The following AJUBA variants were observed in gnomAD, a reference collection of about 807,000 sequenced individuals.
The protein encoded by AJUBA is ajuba LIM protein.
AJUBA carries 20 observed loss-of-function variants against 53.3 expected under a neutral mutation model. That is an observed-to-expected ratio of 0.38 (90% CI 0.26 to 0.55). AJUBA has a LOEUF of 0.55. Ranked by LOEUF, AJUBA falls within the 20% of genes least tolerant of loss-of-function variation. The pLI is 0.80. For missense variants in AJUBA, 580 were observed against 730.5 expected (o/e 0.79, Z 2.38); for synonymous variants, 296 against 306.2 (o/e 0.97, Z 0.35).
chr14:22,976,809 C>A, intron 2 of AJUBA, 97 bp from the exon 3 acceptor site: 1 of 1,520,350 alleles, frequency 6.6e-7, no homozygotes, highest in South Asian at 1.3e-5. Flanking sequence ...ATATTTAAAC[C>A]TGGACTTTGT....
rs1323722549 is a variant in AJUBA, at chr14:22,972,728, G to A, written c.*715C>T. 1 of 152,480 alleles carries A rather than the reference G, an allele frequency of 6.6e-6. No individual in the cohort carries two copies. The highest frequency in any genetic ancestry group is 1.9e-4 in the East Asian group (1 of 5,184). 9.4% of individuals were successfully genotyped at this position (152,480 alleles called of 1,614,324 possible). On this transcript the variant is annotated 3_prime_UTR_variant, in exon 8 of 8. Transcript: ENST00000262713. Reference sequence around the variant, plus strand: ...GTTTCTACCTCTTCATCCAGATATAGGTGCGGGACCCCATATCTGACACCA... The same window carrying A: ...GTTTCTACCTCTTCATCCAGATATAAGTGCGGGACCCCATATCTGACACCA...
rs2139354452 is a variant in AJUBA at position 22,979,016 on chromosome 14, G to A, written c.1007-571C>T. The A allele has an allele frequency of 7.8e-7, 1 of 1,289,036 alleles. No homozygotes were observed. Among genetic ancestry groups the A allele is most frequent in the East Asian group, 5.5e-5 (1 of 18,034 alleles). 79.8% of individuals were successfully genotyped at this position (1,289,036 alleles called of 1,614,324 possible). On this transcript the variant is annotated intron_variant, in intron 1 of 7. Transcript: ENST00000262713. The surrounding 1 kb of genome is among the most constrained non-coding windows in gnomAD (Gnocchi z 4.0). Reference sequence around the variant, plus strand: ...GCTTGGCAGAGGGCTCCGTGCAGAGGGGACCATGTGAGCATGATTCCTGTG... The same window carrying A: ...GCTTGGCAGAGGGCTCCGTGCAGAGAGGACCATGTGAGCATGATTCCTGTG...
Position 22,981,524 on chromosome 14 carries a change from G to A in AJUBA, c.743C>T (p.Ala248Val), listed in dbSNP as rs759874092. ...CCCCCGTCTCTCCAAGGGCCCCGCC[G>A]CTCCCACTCCGGCCCCGGCTAGAGC... ...PGALAGAGVG[A>V]AGPLERRGAQ... Residue 248 changes from alanine to valine, a missense_variant, in exon 1 of 8, where the codon GCG becomes GTG. By Grantham distance (64) the Ala-to-Val change is moderately conservative (BLOSUM62 0). This residue lies in a region of AJUBA where 430 missense variants were observed against 471.5 expected (regional missense o/e 0.91). Transcript: ENST00000262713. The A allele has an allele frequency of 2.5e-6, 4 of 1,593,318 alleles. No individual in the cohort carries two copies. In the South Asian group the frequency reaches 3.4e-5, roughly 13 times the overall value.
chr14:22,982,234 C>A lies in AJUBA; in HGVS notation c.33G>T (p.Leu11=). 1 of 1,613,990 alleles carries A rather than the reference C, an allele frequency of 6.2e-7. No individual in the cohort carries two copies. Residue 11 remains leucine (L), a synonymous_variant, in exon 1 of 8, where the codon CTG becomes CTT. Coordinates refer to ENST00000262713, the MANE Select transcript of AJUBA (RefSeq NM_032876.6). ...CCTTTCTGCGGCCGAACTTCTCCAG[C>A]AGGCGACTGGCTTTCTCTCCTAACC... is the stretch of plus-strand genomic sequence containing the variant. MERLGEKASR[L]LEKFGRRKGE...
chr14:22,980,772 G>A, intron 1 of AJUBA: 1 of 742,416 alleles, frequency 1.3e-6, no homozygotes, highest in Non-Finnish European at 1.6e-6. Flanking sequence ...CCGCCCGCGG[G>A]CACCTGGAGC....
Position 22,979,029 on chromosome 14 carries a change from C to T in AJUBA, c.1007-584G>A. ...CTCCGTGCAGAGGGGACCATGTGAG[C>T]ATGATTCCTGTGGGGAGGTGGCTGC... On this transcript the variant is annotated intron_variant, in intron 1 of 7. Coordinates refer to ENST00000262713, the MANE Select transcript of AJUBA (RefSeq NM_032876.6). This position sits in a 1 kb window ranked among gnomAD's most constrained non-coding sequence, Gnocchi z 4.0. 7.8e-7 allele frequency: 1 copy of T among 1,289,094 alleles called. No homozygotes were observed. Among genetic ancestry groups the T allele is most frequent in the Non-Finnish European group, 1.0e-6 (1 of 988,668 alleles). The allele number at this position is 1,289,094 out of a possible 1,614,324, so 79.9% of individuals were successfully genotyped here.
chr14:22,975,043 T>C lies in AJUBA; in HGVS notation c.1301A>G (p.Lys434Arg). ...TGTGAAGGGGATGCCATCCAGGCACTTGTTGCAAACAATGCATCGGAAACA... is the reference window on the plus strand; with the variant it reads ...TGTGAAGGGGATGCCATCCAGGCACCTGTTGCAAACAATGCATCGGAAACA... ...PGCFRCIVCN[K>R]CLDGIPFTVD... The change falls in exon 5 of 8, where the codon AAG (lysine) becomes AGG (arginine). Residue 434 changes from lysine to arginine, a missense_variant. This residue lies in a region of AJUBA where 150 missense variants were observed against 259.0 expected (regional missense o/e 0.58). Transcript: ENST00000262713. 6.2e-7 allele frequency: 1 copy of C among 1,614,234 alleles called. No homozygotes were observed. Among genetic ancestry groups the C allele is most frequent in the Non-Finnish European group, 8.5e-7 (1 of 1,180,042 alleles).
At position 22,981,658 on chromosome 14, in the gene AJUBA, G is replaced by T; in HGVS notation, c.609C>A (p.Ala203=). 1 of 1,513,088 alleles carries T rather than the reference G, an allele frequency of 6.6e-7. No homozygotes were observed. The allele number at this position is 1,513,088 out of a possible 1,614,324, so 93.7% of individuals were successfully genotyped here. A position where few individuals can be genotyped will look rare whatever the true frequency, so the allele number is the denominator to read the frequency against. The stretch of plus-strand genomic sequence containing the variant: ...CCAGGGCGGCGTGGAGCTCCGGGTA[G>T]GCGGACGGGACCCCTCCGGGAGAAT... ...AGYSPGGVPS[A]YPELHAALDR... The change falls in exon 1 of 8, where the codon GCC becomes GCA. Residue 203 remains alanine, a synonymous_variant. Coordinates refer to ENST00000262713, the MANE Select transcript of AJUBA (RefSeq NM_032876.6).
chr14:22,975,261 G>T, intron 4 of AJUBA, 157 bp from the exon 5 acceptor site: 2 of 1,052,632 alleles, frequency 1.9e-6, no homozygotes, highest in Non-Finnish European at 1.3e-6. Flanking sequence ...TAAAATGGAG[G>T]CGGAGACCCT....
chr14:22,976,799 A>G, intron 2 of AJUBA, 87 bp from the exon 3 acceptor site: 1 of 1,552,378 alleles, frequency 6.4e-7, no homozygotes, highest in Non-Finnish European at 8.7e-7. Context: ...GCTGCATAAT[A>G]TATTTAAACC....
chr14:22,981,516 G>A lies in AJUBA; in HGVS notation c.751C>T (p.Pro251Ser). ...LAGAGVGAAGPLERRGAQPGR... is the reference protein window; with the variant it reads ...LAGAGVGAAGSLERRGAQPGR... ...GGTTGCGCCCCCCGTCTCTCCAAGG[G>A]CCCCGCCGCTCCCACTCCGGCCCCG... Residue 251 changes from proline to serine, a missense_variant, in exon 1 of 8, where the codon CCC (proline) becomes TCC (serine). Physicochemically the swap from Pro to Ser is moderately conservative, Grantham distance 74. Around this residue, in one of 2 missense-constraint regions of AJUBA, gnomAD observed 430 missense variants for 471.5 expected, o/e 0.91. Coordinates refer to ENST00000262713, the MANE Select transcript of AJUBA (RefSeq NM_032876.6). 6.4e-7 allele frequency: 1 copy of A among 1,571,092 alleles called. No individual in the cohort carries two copies.
rs200247985 is a variant in AJUBA at position 22,975,046 on chromosome 14, T to C, written c.1298A>G (p.Asn433Ser). 2.5e-6 allele frequency: 4 copies of C among 1,614,196 alleles called. No individual in the cohort carries two copies. The South Asian group carries it at 3.3e-5, about 13-fold the overall frequency. ...GAAGGGGATGCCATCCAGGCACTTG[T>C]TGCAAACAATGCATCGGAAACAGCC... Reference protein sequence around the residue: ...HPGCFRCIVCNKCLDGIPFTV... With the variant: ...HPGCFRCIVCSKCLDGIPFTV... The change falls in exon 5 of 8, where the codon AAC (asparagine) becomes AGC (serine). Residue 433 changes from asparagine to serine, a missense_variant. Asn to Ser is a conservative substitution (Grantham distance 46, BLOSUM62 1). Transcript: ENST00000262713.
intron 2 of AJUBA, chr14:22,977,044 G>C: frequency 6.7e-6 from 8 of 1,202,886 alleles, no homozygotes; most frequent in Non-Finnish European, 8.3e-6. Context: ...CTACGTGCTG[G>C]AATACGTGAG....
At position 22,974,079 on chromosome 14, in the gene AJUBA, G is replaced by A. The variant is rs1430261150; in HGVS notation, c.1459C>T (p.Arg487Trp). The A allele has an allele frequency of 5.6e-6, 9 of 1,613,880 alleles. No individual in the cohort carries two copies. The highest frequency in any genetic ancestry group is 1.3e-5 in the African/African-American group (1 of 74,832). Residue 487 changes from arginine to tryptophan, a missense_variant, in exon 7 of 8, where the codon CGG becomes TGG. Physicochemically the swap from Arg to Trp is moderately radical, Grantham distance 101. This residue lies in a region of AJUBA where 150 missense variants were observed against 259.0 expected (regional missense o/e 0.58). Coordinates refer to ENST00000262713, the MANE Select transcript of AJUBA (RefSeq NM_032876.6). ...TGGTAGCACTCAAAGTGATAATCCC[G>A]GTCCATGGATATCACCCTCACGATG... The part of the protein sequence containing the change: ...EDIVRVISMD[R>W]DYHFECYHCE...
At position 22,976,436 on chromosome 14, in the gene AJUBA, G is replaced by A; in HGVS notation, c.1239+20C>T. On this transcript the variant is annotated intron_variant, in intron 4 of 7. Transcript: ENST00000262713. ...CTCAGCCTCACAGTGAGACTTCTCA[G>A]CTGAAAGCACTTTACTTACCTTCTC... 6.2e-7 allele frequency: 1 copy of A among 1,613,362 alleles called. No homozygotes were observed. Among genetic ancestry groups the A allele is most frequent in the Non-Finnish European group, 8.5e-7 (1 of 1,179,290 alleles).
In AJUBA at chr14:22,973,555, T is replaced by G; in HGVS notation, c.1505A>C (p.Gln502Pro). 1 of 1,614,190 alleles carries G rather than the reference T, an allele frequency of 6.2e-7. No homozygotes were observed. The highest frequency in any genetic ancestry group is 1.7e-5 in the Admixed American group (1 of 60,022). ...GCAGCAGCCTTCCTCATCACTCAGC[T>G]GCATCCGGCAGTCCTAGGGAAGAAG... ...ECYHCEDCRM[Q>P]LSDEEGCCCF... Residue 502 changes from glutamine to proline, a missense_variant, in exon 8 of 8, where the codon CAG (glutamine) becomes CCG (proline). This residue lies in a region of AJUBA where 150 missense variants were observed against 259.0 expected (regional missense o/e 0.58). Transcript: ENST00000262713.
At chr14:22,975,133 T>C (rs780696275) in intron 4 of AJUBA, 29 bp from the exon 5 acceptor site, 1 of 1,599,908 alleles carries the variant, frequency 6.3e-7, no homozygotes, top group South Asian at 1.1e-5. Flanking sequence ...AGAGAATCAG[T>C]CTCCCTCCAG....
chr14:22,975,164 A>T (rs1442456000), intron 4 of AJUBA, 60 bp from the exon 5 acceptor site: 1 of 1,578,096 alleles, frequency 6.3e-7, no homozygotes, highest in Admixed American at 1.7e-5. Flanking sequence ...CCAGCTGCCC[A>T]TTATGCTCCT....
chr14:22,982,485 A>G lies in AJUBA; in HGVS notation c.-219T>C. The G allele has an allele frequency of 7.1e-7, 1 of 1,412,428 alleles. No individual in the cohort carries two copies. The highest frequency in any genetic ancestry group is 3.1e-5 in the Admixed American group (1 of 32,168). 87.5% of individuals were successfully genotyped at this position (1,412,428 alleles called of 1,614,324 possible). A position where few individuals can be genotyped will look rare whatever the true frequency, so the allele number is the denominator to read the frequency against. On this transcript the variant is annotated 5_prime_UTR_variant, in exon 1 of 8. Coordinates refer to ENST00000262713, the MANE Select transcript of AJUBA (RefSeq NM_032876.6). Reference sequence around the variant, plus strand: ...CGCGCATCTGGGGCTGAGCGGGGCTAGCAGGGTCTCTGGCCGCGGCTGTCC... The same window carrying G: ...CGCGCATCTGGGGCTGAGCGGGGCTGGCAGGGTCTCTGGCCGCGGCTGTCC...
Sources: allele counts gnomAD v4.1 joint callset, GRCh38; gene constraint gnomAD v4.1.1; regional missense constraint gnomAD v4.1.1; non-coding constraint Gnocchi (gnomAD v3.1); transcripts MANE v1.5; gene names NCBI Gene and HGNC (gene_info 2026-07-23, HGNC 2026-07-21).